Variants in KDM2A observed in about 807,000 individuals in gnomAD.
KDM2A encodes lysine demethylase 2A, also known as lysine-specific demethylase 2A.
KDM2A carries 3 observed loss-of-function variants against 137.3 expected under a neutral mutation model. The observed-to-expected ratio is 0.02, with a 90% CI of 0.01 to 0.06. The LOEUF (loss-of-function observed/expected upper bound fraction) is 0.06. Ranked by LOEUF, KDM2A falls within the 10% of genes least tolerant of loss-of-function variation. The pLI is 1.00. For synonymous variants in KDM2A, 512 were observed against 541.5 expected (o/e 0.95, Z 0.76); for missense variants, 738 against 1,510.6 (o/e 0.49, Z 8.48).
intron 2 of KDM2A, among the ~76,000 whole-genome samples, chr11:67,137,364 A>G (rs1437691632): frequency 3.3e-5 from 5 of 152,160 alleles, no homozygotes; most frequent in African/African-American, 7.2e-5. Flanking sequence ...AGAGGGCAAG[A>G]ATAGATTTAG....
chr11:67,218,381 A>G (rs1250499473), intron 9 of KDM2A, among the ~76,000 whole-genome samples: 1 of 152,212 alleles, frequency 6.6e-6, no homozygotes, highest in Non-Finnish European at 1.5e-5. Flanking sequence ...GCTTAGAGCA[A>G]ATATTTAAAT....
intron 3 of KDM2A, 83 bp downstream of exon 3, chr11:67,180,300 C>T (rs1463495289): frequency 1.4e-6 from 2 of 1,398,684 alleles, no homozygotes; most frequent in Non-Finnish European, 1.9e-6. Context: ...AGCCTTTATC[C>T]AGCTAAAATA....
At chr11:67,216,857 T>C (rs1858175333) in intron 8 of KDM2A, among the ~76,000 whole-genome samples, 1 of 151,214 alleles carries the variant, frequency 6.6e-6, no homozygotes, top group African/African-American at 2.4e-5. Flanking sequence ...AAGGTGGAGG[T>C]TGCGGTGAGC....
chr11:67,123,818 A>G (rs1331328109), intron 2 of KDM2A, among the ~76,000 whole-genome samples: 1 of 152,090 alleles, frequency 6.6e-6, no homozygotes, highest in African/African-American at 2.4e-5. Flanking sequence ...CTGAGATTAC[A>G]GGTGCCTACC....
chr11:67,194,442 C>G (rs1448607852), intron 5 of KDM2A, among the ~76,000 whole-genome samples: 1 of 152,156 alleles, frequency 6.6e-6, no homozygotes, highest in Non-Finnish European at 1.5e-5. Context: ...ACAACGTGTT[C>G]TTTTCTTAAG....
intron 2 of KDM2A, among the ~76,000 whole-genome samples, chr11:67,124,493 T>C (rs1419572214): frequency 6.6e-6 from 1 of 150,506 alleles, no homozygotes; most frequent in Non-Finnish European, 1.5e-5. Flanking sequence ...TTTGTATTTT[T>C]AGTTGAGACG....
In KDM2A at chr11:67,207,625, T is replaced by C; in HGVS notation, c.423T>C (p.Tyr141=). The C allele has an allele frequency of 6.2e-7, 1 of 1,613,784 alleles. No individual in the cohort carries two copies. Among genetic ancestry groups the C allele is most frequent in the Non-Finnish European group, 8.5e-7 (1 of 1,179,798 alleles). Residue 141 remains tyrosine, a synonymous_variant, in exon 6 of 21, where the codon TAT becomes TAC. Coordinates refer to ENST00000529006, the MANE Select transcript of KDM2A (RefSeq NM_012308.3). ...CAGAGGAGGAGCGAGAGAAACTCTA[T>C]AATGTCATCAGCCTCGAGTTTAGCC... ...ETPEEEREKL[Y]NVISLEFSHT...
In KDM2A at chr11:67,256,898, C is replaced by T. The variant is rs930568028; in HGVS notation, c.*1843C>T. 1 of 152,650 alleles carries T rather than the reference C, an allele frequency of 6.6e-6. No individual in the cohort carries two copies. Among genetic ancestry groups the T allele is most frequent in the African/African-American group, 2.4e-5 (1 of 41,430 alleles). 9.5% of individuals were successfully genotyped at this position (152,650 alleles called of 1,614,324 possible). A position where few individuals can be genotyped will look rare whatever the true frequency, so the allele number is the denominator to read the frequency against. Reference sequence around the variant, plus strand: ...CCCTCTGCCCACTTCCATTGGTCTCCAGGCCCCAATAATCTGGGGTTGAAA... The same window carrying T: ...CCCTCTGCCCACTTCCATTGGTCTCTAGGCCCCAATAATCTGGGGTTGAAA... On this transcript the variant is annotated 3_prime_UTR_variant, in exon 21 of 21. Coordinates refer to ENST00000529006, the MANE Select transcript of KDM2A (RefSeq NM_012308.3).
rs1375330232 is a variant in KDM2A, at chr11:67,242,931, A to T, written c.1480-78A>T. 7.4e-6 allele frequency: 8 copies of T among 1,076,880 alleles called. No homozygotes were observed. In the Admixed American group the frequency reaches 1.4e-4, roughly 19 times the overall value. The allele number at this position is 1,076,880 out of a possible 1,614,324, so 66.7% of individuals were successfully genotyped here. A position where few individuals can be genotyped will look rare whatever the true frequency, so the allele number is the denominator to read the frequency against. ...TTGCTACTCAAGGGTACTGAGGCAG[A>T]GTCTGGATGCTGTTCAGGGTGGTTG... On this transcript the variant is annotated intron_variant, in intron 12 of 20. Transcript: ENST00000529006.
rs1354974968 is a variant in KDM2A, at chr11:67,214,561, A to G, written c.487-779A>G. Among the ~76,000 whole-genome samples, 5 of 151,870 alleles carry G rather than the reference A, an allele frequency of 3.3e-5. No homozygotes were observed. In the South Asian group the frequency reaches 1.0e-3, roughly 32 times the overall value. On this transcript the variant is annotated intron_variant, in intron 6 of 20. Transcript: ENST00000529006. ...TCCATGTTGGTCAGGCTGGTCTTGA[A>G]CTTCCGACCTCAGGTGATCCGCCTG...
At chr11:67,187,672 C>T (rs1394369678) in intron 5 of KDM2A, among the ~76,000 whole-genome samples, 1 of 151,970 alleles carries the variant, frequency 6.6e-6, no homozygotes, top group African/African-American at 2.4e-5. Context: ...TCTCCTGGTT[C>T]AAGCGATTCT....
At chr11:67,130,085 C>G (rs1305003343) in intron 2 of KDM2A, among the ~76,000 whole-genome samples, 2 of 151,100 alleles carry the variant, frequency 1.3e-5, no homozygotes, top group African/African-American at 2.4e-5. Flanking sequence ...GCCTCAGCCT[C>G]CCTAGTAGCT....
chr11:67,165,886 T>G (rs1338396241), intron 2 of KDM2A, among the ~76,000 whole-genome samples: 2 of 151,958 alleles, frequency 1.3e-5, no homozygotes, highest in East Asian at 1.9e-4. Context: ...CTTTTAGGGG[T>G]TTTTTCTTTT....
At chr11:67,171,932 T>C (rs1565388106) in intron 2 of KDM2A, among the ~76,000 whole-genome samples, 1 of 152,246 alleles carries the variant, frequency 6.6e-6, no homozygotes, top group African/African-American at 2.4e-5. Context: ...CACCCAGTCT[T>C]GATTACTATA....
Position 67,245,044 on chromosome 11 carries a change from A to G in KDM2A, c.1564-145A>G, listed in dbSNP as rs775346138. 291 of 869,872 alleles carry G rather than the reference A, an allele frequency of 3.3e-4. No homozygotes were observed. The highest frequency in any genetic ancestry group is 4.6e-4 in the Non-Finnish European group (258 of 560,222). 53.9% of individuals were successfully genotyped at this position (869,872 alleles called of 1,614,324 possible). A position where few individuals can be genotyped will look rare whatever the true frequency, so the allele number is the denominator to read the frequency against. On this transcript the variant is annotated intron_variant, in intron 13 of 20. Transcript: ENST00000529006. This position sits in a 1 kb window ranked among gnomAD's most constrained non-coding sequence, Gnocchi z 4.1. ...CATACACAAGATGAGTTGTGTGTCA[A>G]TAAAATTTATTCTAGAAACAAGCAG...
At chr11:67,131,863 A>T (rs1363642709) in intron 2 of KDM2A, 2 of 152,186 alleles carry the variant, frequency 1.3e-5, no homozygotes, top group Non-Finnish European at 2.9e-5. Flanking sequence ...TTGATCTGTT[A>T]AAACGGCAGT....
chr11:67,196,996 C>T (rs1246743305), intron 5 of KDM2A: 1 of 152,772 alleles, frequency 6.5e-6, no homozygotes, highest in Non-Finnish European at 1.5e-5. Flanking sequence ...GGTTTTCTTC[C>T]CACTTCCTTA....
At chr11:67,228,735 T>C (rs1858623058) in intron 11 of KDM2A, among the ~76,000 whole-genome samples, 1 of 150,682 alleles carries the variant, frequency 6.6e-6, no homozygotes, top group South Asian at 2.1e-4. Context: ...TTGTCTAATA[T>C]GCTTTTTGTT....
chr11:67,138,015 C>G (rs1856005824), intron 2 of KDM2A, among the ~76,000 whole-genome samples: 1 of 152,104 alleles, frequency 6.6e-6, no homozygotes, highest in African/African-American at 2.4e-5. Flanking sequence ...CCAGGATAAT[C>G]TCTATCTCCT....
Sources: gnomAD v4.1 joint callset for allele counts (sites outside exome capture counted in the v4.1 genomes callset) on GRCh38, gnomAD v4.1.1 for gene constraint, Gnocchi (gnomAD v3.1) non-coding constraint, MANE v1.5 for transcripts, NCBI Gene and HGNC (gene_info 2026-07-23, HGNC 2026-07-21) for gene names.